The following IL23R variants were observed in gnomAD, a reference collection of about 807,000 sequenced individuals.
IL23R encodes the protein interleukin-23 receptor.
In IL23R, 34 loss-of-function variants were observed where a neutral mutation model predicts 56.9. That is an observed-to-expected ratio of 0.60 (90% confidence interval 0.45 to 0.80). The LOEUF is 0.80. IL23R is among the 30% of genes least tolerant of loss of function. IL23R has a pLI of 0.00. For synonymous variants in IL23R, 230 were observed against 249.2 expected (o/e 0.92, Z 0.73); for missense variants, 635 against 730.0 (o/e 0.87, Z 1.50).
intron 3 of IL23R, among the ~76,000 whole-genome samples, chr1:67,176,334 G>T (rs2102567480): frequency 6.6e-6 from 1 of 152,288 alleles, no homozygotes; most frequent in Non-Finnish European, 1.5e-5. Flanking sequence ...TGGGTTGCAA[G>T]GTAAGGTAGT....
At chr1:67,158,303 A>C (rs989098191) in intron 1 of IL23R, among the ~76,000 whole-genome samples, 1 of 152,208 alleles carries the variant, frequency 6.6e-6, no homozygotes, top group Non-Finnish European at 1.5e-5. Context: ...GGTTTAGCCC[A>C]GGAGGGTTCT....
At chr1:67,229,938 A>G (rs1195359005) in intron 7 of IL23R, among the ~76,000 whole-genome samples, 1 of 152,252 alleles carries the variant, frequency 6.6e-6, no homozygotes, top group Admixed American at 6.5e-5. Context: ...TATCTTAAGC[A>G]GAAAGAGAAT....
chr1:67,221,039 A>T (rs780253898), intron 7 of IL23R, among the ~76,000 whole-genome samples: 1 of 151,540 alleles, frequency 6.6e-6, no homozygotes, highest in African/African-American at 2.4e-5. Flanking sequence ...GAAAAATATT[A>T]TCTGGGTGTG....
intron 7 of IL23R, among the ~76,000 whole-genome samples, chr1:67,224,936 G>A (rs1331180487): frequency 6.6e-6 from 1 of 152,176 alleles, no homozygotes; most frequent in Non-Finnish European, 1.5e-5. Context: ...TAAAAGGAGT[G>A]TAATTATTAT....
chr1:67,200,090 A>G (rs1386474189), intron 4 of IL23R, among the ~76,000 whole-genome samples: 1 of 152,122 alleles, frequency 6.6e-6, no homozygotes, highest in African/African-American at 2.4e-5. Flanking sequence ...CCCCTGCTGG[A>G]GTGCAGTGGT....
intron 3 of IL23R, among the ~76,000 whole-genome samples, chr1:67,177,247 G>A (rs1227578552): frequency 1.3e-5 from 2 of 152,124 alleles, no homozygotes; most frequent in Admixed American, 6.6e-5. Flanking sequence ...GTGTAAAAGT[G>A]TTCCTATTTC....
chr1:67,148,047 C>G (rs12566159), intron 1 of IL23R, among the ~76,000 whole-genome samples: 1 of 152,286 alleles, frequency 6.6e-6, no homozygotes, highest in South Asian at 2.1e-4. Flanking sequence ...GGAAGAGAAC[C>G]GTGGAACCCA....
chr1:67,206,320 CTTTT>C (rs35298293), intron 5 of IL23R, among the ~76,000 whole-genome samples: 1 of 151,936 alleles, frequency 6.6e-6, no homozygotes, highest in African/African-American at 2.4e-5. Context: ...GCCTTTCTTT[CTTTT>C]TTTTGAGACA....
chr1:67,227,955 T>TC (rs1650748646), intron 7 of IL23R, among the ~76,000 whole-genome samples: 1 of 6,366 alleles, frequency 1.6e-4, no homozygotes, highest in Non-Finnish European at 4.5e-4. Context: ...TCTTTCTTTC[T>TC]TTCTTTCTTT....
rs545846556 is a variant in IL23R, at chr1:67,237,281, T to A, written c.1045+479T>A. 2.6e-5 allele frequency among the ~76,000 whole-genome samples: 4 copies of A among 152,266 alleles called. No homozygotes were observed. The East Asian group carries it at 7.7e-4, about 29-fold the overall frequency. On this transcript the variant is annotated intron_variant, in intron 8 of 10. Coordinates refer to ENST00000347310, the MANE Select transcript of IL23R (RefSeq NM_144701.3). ...GTCTTGAACTCCTGACCTCAGGTGA[T>A]CCACCCACCTCAGCCTCCCAAAGTG... is the stretch of plus-strand genomic sequence containing the variant.
At chr1:67,246,273 A>G (rs1447192419) in intron 9 of IL23R, among the ~76,000 whole-genome samples, 1 of 152,058 alleles carries the variant, frequency 6.6e-6, no homozygotes, top group African/African-American at 2.4e-5. Flanking sequence ...TCCTGGATTC[A>G]TTGATTTTTT....
intron 7 of IL23R, among the ~76,000 whole-genome samples, chr1:67,233,967 G>A (rs1651289024): frequency 6.7e-6 from 1 of 148,342 alleles, no homozygotes; most frequent in East Asian, 1.9e-4. Context: ...GTGTGTGTGT[G>A]TGTGTGAGAT....
intron 6 of IL23R, among the ~76,000 whole-genome samples, chr1:67,219,373 A>C (rs1220675397): frequency 6.6e-6 from 1 of 152,196 alleles, no homozygotes; most frequent in Non-Finnish European, 1.5e-5. Flanking sequence ...ATCTCAAAAA[A>C]AGCAGTGTGT....
chr1:67,248,347 C>T (rs1476304669), intron 9 of IL23R, among the ~76,000 whole-genome samples: 2 of 152,094 alleles, frequency 1.3e-5, no homozygotes, highest in Non-Finnish European at 1.5e-5. Context: ...TGTCTTCTTG[C>T]TTTATTTCAT....
At chr1:67,263,986 C>A (rs756821129), downstream of IL23R, among the ~76,000 whole-genome samples, 1 of 152,178 alleles carries the variant, frequency 6.6e-6, no homozygotes, top group Non-Finnish European at 1.5e-5. Context: ...CTCTCTTCTC[C>A]GCCCTTGCCT....
At chr1:67,179,101 G>A (rs1339508665) in intron 3 of IL23R, among the ~76,000 whole-genome samples, 1 of 152,170 alleles carries the variant, frequency 6.6e-6, no homozygotes, top group African/African-American at 2.4e-5. Context: ...GTCTCTGCCA[G>A]GCTTTGGTAT....
At position 67,206,665 on chromosome 1, in the gene IL23R, C is replaced by G. The variant is rs111811992; in HGVS notation, c.653-245C>G. Among the ~76,000 whole-genome samples, 485 of 149,544 alleles carry G rather than the reference C, an allele frequency of 3.2e-3. 2 individuals are homozygous for G. The highest frequency in any genetic ancestry group is 0.011 in the African/African-American group (459 of 40,766). ...AGTGAAAGGTGGGGGAAAGACAGGA[C>G]TATTAGAGTTCAGTTTTTTTTTTTT... is the stretch of plus-strand genomic sequence containing the variant. On this transcript the variant is annotated intron_variant, in intron 5 of 10. Coordinates refer to ENST00000347310, the MANE Select transcript of IL23R (RefSeq NM_144701.3).
At chr1:67,171,511 A>C (rs557488337) in intron 3 of IL23R, among the ~76,000 whole-genome samples, 1 of 152,166 alleles carries the variant, frequency 6.6e-6, no homozygotes, top group East Asian at 1.9e-4. Context: ...AGAAATAGAA[A>C]TTTTTATAAA....
intron 10 of IL23R, 120 bp downstream of exon 10, chr1:67,256,047 T>C (rs1426582958): frequency 3.1e-6 from 2 of 640,448 alleles, no homozygotes; most frequent in East Asian, 2.8e-5. Flanking sequence ...CATAATTATA[T>C]AGACATGTGT....
Sources: gnomAD v4.1 joint callset for allele counts (sites outside exome capture counted in the v4.1 genomes callset) on GRCh38, gnomAD v4.1.1 for gene constraint, MANE v1.5 for transcripts, NCBI Gene and HGNC (gene_info 2026-07-23, HGNC 2026-07-21) for gene names.